Variants in PI4KA observed in about 807,000 individuals in gnomAD.
The protein encoded by PI4KA is phosphatidylinositol 4-kinase alpha, also known as PI4-kinase alpha.
In PI4KA, 122 loss-of-function variants were observed where a neutral mutation model predicts 271.4. That is an observed-to-expected ratio of 0.45 (90% confidence interval 0.39 to 0.52). The LOEUF is 0.52. PI4KA is among the 20% of genes least tolerant of loss of function. The probability of loss-of-function intolerance (pLI) is 0.00; values close to 1 mark genes in which losing one functional copy is unlikely to be tolerated. For synonymous variants in PI4KA, 1,041 were observed against 1,078.8 expected (o/e 0.96, Z 0.69); for missense variants, 1,969 against 2,769.1 (o/e 0.71, Z 6.48).
intron 22 of PI4KA, 119 bp downstream of exon 22, chr22:20,764,698 T>A: frequency 8.7e-7 from 1 of 1,142,976 alleles, no homozygotes; most frequent in Non-Finnish European, 1.2e-6. Flanking sequence ...GCTTGGTTTT[T>A]CAGAAAGTTT....
chr22:20,793,054 T>C (rs927629563), intron 19 of PI4KA, 139 bp downstream of exon 19: 10 of 631,444 alleles, frequency 1.6e-5, no homozygotes, highest in Non-Finnish European at 2.9e-5. Context: ...AAGCTGGTGA[T>C]GGCTGCAGCA....
intron 2 of PI4KA, among the ~76,000 whole-genome samples, chr22:20,837,725 T>C (rs939587743): frequency 4.6e-5 from 7 of 152,178 alleles, no homozygotes; most frequent in Non-Finnish European, 8.8e-5. Flanking sequence ...TTGTTTCAAA[T>C]AGCTTTGGTA....
chr22:20,774,533 C>T lies in PI4KA; in HGVS notation c.2329-8840G>A, dbSNP rs1046473189. Among the ~76,000 whole-genome samples, 4 of 152,050 alleles carry T rather than the reference C, an allele frequency of 2.6e-5. No homozygotes were observed. In the East Asian group the frequency reaches 5.8e-4, roughly 22 times the overall value. On this transcript the variant is annotated intron_variant, in intron 19 of 54. Transcript: ENST00000255882. ...ATCCCAACACTTTGGGAGGCCGAGG[C>T]GGGTGGATCACGAGGTCAGGAGTTC...
chr22:20,816,839 T>C (rs1429086649), intron 7 of PI4KA, among the ~76,000 whole-genome samples: 1 of 152,198 alleles, frequency 6.6e-6, no homozygotes, highest in Non-Finnish European at 1.5e-5. Flanking sequence ...TGCTCCCATC[T>C]GCCACTTACT....
chr22:20,718,620 C>T lies in PI4KA; in HGVS notation c.5246+73G>A, dbSNP rs542437700. On this transcript the variant is annotated intron_variant, in intron 44 of 54. Coordinates refer to ENST00000255882, the MANE Select transcript of PI4KA (RefSeq NM_058004.4). ...CCAGGCACGGGTATTTTTAAAGCTT[C>T]CCAGGCAATTCTGTTAAGCTGCAGG... The T allele has an allele frequency of 2.8e-5, 43 of 1,535,970 alleles. No homozygotes were observed. In the Middle Eastern group the frequency reaches 1.6e-3, roughly 59 times the overall value.
rs566581920 is a variant in PI4KA at position 20,745,861 on chromosome 22, C to T, written c.3364-1141G>A. ...ACAGCACCTGGTGGGCAGTGCAGGCCGGCTCCCTCCCTTCCACCATCACTC... is the reference window on the plus strand; with the variant it reads ...ACAGCACCTGGTGGGCAGTGCAGGCTGGCTCCCTCCCTTCCACCATCACTC... On this transcript the variant is annotated intron_variant, in intron 29 of 54. Transcript: ENST00000255882. 6.6e-5 allele frequency among the ~76,000 whole-genome samples: 10 copies of T among 151,896 alleles called. No individual in the cohort carries two copies. The South Asian group carries it at 1.0e-3, about 16-fold the overall frequency.
chr22:20,776,786 C>A (rs974730604), intron 19 of PI4KA, among the ~76,000 whole-genome samples: 1 of 152,168 alleles, frequency 6.6e-6, no homozygotes, highest in East Asian at 1.9e-4. Flanking sequence ...CTAAGTTACA[C>A]GAAGTGCCTT....
intron 15 of PI4KA, 89 bp from the exon 16 acceptor site, chr22:20,799,365 A>C: frequency 8.2e-7 from 1 of 1,226,310 alleles, no homozygotes; most frequent in Non-Finnish European, 1.1e-6. Context: ...TCTAGACCTT[A>C]ATTTCATAAC....
chr22:20,769,081 G>A (rs1317676434), intron 19 of PI4KA, among the ~76,000 whole-genome samples: 1 of 152,188 alleles, frequency 6.6e-6, no homozygotes, highest in Non-Finnish European at 1.5e-5. Flanking sequence ...AGACTTTGGT[G>A]GTTATGGAAA....
chr22:20,732,845 C>G, intron 36 of PI4KA, 126 bp downstream of exon 36: 1 of 1,058,642 alleles, frequency 9.4e-7, no homozygotes, highest in Non-Finnish European at 1.4e-6. Flanking sequence ...TGCAACACAG[C>G]CAAGGCCAGG....
chr22:20,805,024 G>A lies in PI4KA; in HGVS notation c.1310C>T (p.Ala437Val), dbSNP rs1447489035. 5.0e-6 allele frequency: 8 copies of A among 1,614,090 alleles called. No individual in the cohort carries two copies. Among genetic ancestry groups the A allele is most frequent in the Admixed American group, 3.3e-5 (2 of 60,024 alleles). ...CATGAGGTCCACACAGGCAGCATTC[G>A]CCTGACAGCGCAGTTTGAGGGGGCT... ...ELSPLKLRCQ[A>V]NAACVDLMVW... Residue 437 changes from alanine to valine, a missense_variant, in exon 11 of 55, where the codon GCG (alanine) becomes GTG (valine). Around this residue, in one of 13 missense-constraint regions of PI4KA, gnomAD observed 540 missense variants for 555.5 expected, o/e 0.97. Transcript: ENST00000255882.
At chr22:20,811,810 G>A (rs1002478124) in intron 8 of PI4KA, among the ~76,000 whole-genome samples, 3 of 151,836 alleles carry the variant, frequency 2.0e-5, no homozygotes, top group South Asian at 2.1e-4. Context: ...TCAGGAGATC[G>A]AGACCATCCT....
chr22:20,760,023 T>C (rs1280524630), intron 23 of PI4KA, among the ~76,000 whole-genome samples: 4 of 152,096 alleles, frequency 2.6e-5, no homozygotes, highest in African/African-American at 4.8e-5. Flanking sequence ...AAAGAAAAAA[T>C]GGTACAAGAA....
intron 40 of PI4KA, 106 bp from the exon 41 acceptor site, chr22:20,727,503 A>G: frequency 9.2e-7 from 1 of 1,088,894 alleles, no homozygotes; most frequent in Admixed American, 3.0e-5. Context: ...GATGTTTCTA[A>G]GCATCGGTAA....
At chr22:20,770,440 G>A (rs1932816130) in intron 19 of PI4KA, among the ~76,000 whole-genome samples, 1 of 148,092 alleles carries the variant, frequency 6.8e-6, no homozygotes, top group Non-Finnish European at 1.5e-5. Flanking sequence ...TTGAACCCAG[G>A]AGGCAGAGGT....
Position 20,739,645 on chromosome 22 carries a change from C to T in PI4KA, c.3741+2583G>A, listed in dbSNP as rs572001782. 5.3e-5 allele frequency among the ~76,000 whole-genome samples: 8 copies of T among 152,108 alleles called. No individual in the cohort carries two copies. The East Asian group carries it at 7.7e-4, about 15-fold the overall frequency. On this transcript the variant is annotated intron_variant, in intron 32 of 54. Transcript: ENST00000255882. ...AAACTGACCCAAGATGACTCAAATA[C>T]AAGAACAGACCAGATAACGATATAA...
At chr22:20,790,699 AACACACACACACACACACACACACACAC>A (rs362174) in intron 19 of PI4KA, among the ~76,000 whole-genome samples, 10 of 139,310 alleles carry the variant, frequency 7.2e-5, no homozygotes, top group Non-Finnish European at 1.1e-4. Flanking sequence ...AAAAAAAACA[AACACACACACACACACACACACACACAC>A]ACACACACAC....
intron 1 of PI4KA, among the ~76,000 whole-genome samples, chr22:20,839,957 A>G (rs1001466081): frequency 6.6e-6 from 1 of 152,218 alleles, no homozygotes; most frequent in African/African-American, 2.4e-5. Flanking sequence ...AAAGCAGACA[A>G]TGAGATTCAA....
intron 3 of PI4KA, among the ~76,000 whole-genome samples, chr22:20,828,407 G>C (rs372460088): frequency 1.3e-5 from 2 of 152,158 alleles, no homozygotes; most frequent in African/African-American, 4.8e-5. Flanking sequence ...TAGGAGAGGT[G>C]AGAGAGGGCA....
Sources: gnomAD v4.1 joint callset for allele counts (sites outside exome capture counted in the v4.1 genomes callset) on GRCh38, gnomAD v4.1.1 for gene constraint, gnomAD v4.1.1 regional missense constraint, MANE v1.5 for transcripts, NCBI Gene and HGNC (gene_info 2026-07-23, HGNC 2026-07-21) for gene names.